Variants in ZC3H14 observed in about 807,000 individuals in gnomAD.
ZC3H14 encodes the protein zinc finger CCCH domain-containing protein 14.
A neutral mutation model predicts 92.4 loss-of-function variants in ZC3H14; 31 were observed. The ratio of observed to expected loss-of-function variants is 0.34; its 90% confidence interval spans 0.25 to 0.45. The LOEUF is 0.45. Ranked by LOEUF, ZC3H14 falls within the 20% of genes least tolerant of loss-of-function variation. The pLI, the probability that ZC3H14 is intolerant of heterozygous loss-of-function variation, is 1.00. For synonymous variants in ZC3H14, 321 were observed against 300.9 expected (o/e 1.07, Z -0.69); for missense variants, 781 against 897.3 (o/e 0.87, Z 1.66).
intron 2 of ZC3H14, among the ~76,000 whole-genome samples, chr14:88,567,187 C>T (rs2079786891): frequency 6.7e-6 from 1 of 149,634 alleles, no homozygotes; most frequent in Admixed American, 6.7e-5. Flanking sequence ...AGGATCTGAG[C>T]GCACTGCAAG....
In ZC3H14 at chr14:88,621,996, C is replaced by T; in HGVS notation, c.*10245C>T. ...TACTATTCCTATCTGGCTGTGTAAA[C>T]TTGTATCCTTTAACCAGTCCTTCCC... On this transcript the variant is annotated 3_prime_UTR_variant, in exon 17 of 17. Transcript: ENST00000251038. 1 of 401,588 alleles carries T rather than the reference C, an allele frequency of 2.5e-6. No individual in the cohort carries two copies. The highest frequency in any genetic ancestry group is 1.9e-5 in the South Asian group (1 of 53,334). The allele number at this position is 401,588 out of a possible 1,614,324, so 24.9% of individuals were successfully genotyped here. A position where few individuals can be genotyped will look rare whatever the true frequency, so the allele number is the denominator to read the frequency against.
Position 88,618,485 on chromosome 14 carries a change from A to C in ZC3H14, c.*6734A>C. ...CACTACAAAAACTTAATAGGAGAAA[A>C]GCTCTGATAAGTGGGGGAGGAAAGG... On this transcript the variant is annotated 3_prime_UTR_variant, in exon 17 of 17. Transcript: ENST00000251038. 1 of 1,074,078 alleles carries C rather than the reference A, an allele frequency of 9.3e-7. No individual in the cohort carries two copies. Among genetic ancestry groups the C allele is most frequent in the African/African-American group, 1.6e-5 (1 of 62,892 alleles). 66.5% of individuals were successfully genotyped at this position (1,074,078 alleles called of 1,614,324 possible).
chr14:88,569,832 C>A (rs143441175), intron 3 of ZC3H14, among the ~76,000 whole-genome samples: 1 of 152,140 alleles, frequency 6.6e-6, no homozygotes, highest in Non-Finnish European at 1.5e-5. Context: ...TTATACATTG[C>A]ACAAATTTGA....
chr14:88,592,188 GTTGT>G (rs10572934), intron 9 of ZC3H14: 88,575 of 151,424 alleles, frequency 0.58, 28,608 homozygotes, highest in Non-Finnish European at 0.74. Flanking sequence ...TTTCCTTGAG[GTTGT>G]TTATCTGTCC....
chr14:88,607,176 G>A, intron 12 of ZC3H14, 67 bp from the exon 13 acceptor site: 2 of 1,610,910 alleles, frequency 1.2e-6, no homozygotes, highest in South Asian at 1.1e-5. Context: ...AGGGAAATAT[G>A]TTAAAGGTGC....
chr14:88,580,070 C>T (rs1162829381), intron 9 of ZC3H14, among the ~76,000 whole-genome samples: 1 of 152,096 alleles, frequency 6.6e-6, no homozygotes, highest in South Asian at 2.1e-4. Context: ...AGGTATACAC[C>T]TGTAGTCCTG....
chr14:88,563,738 C>T lies in ZC3H14; in HGVS notation c.79+45C>T, dbSNP rs1167779409. 3.8e-6 allele frequency: 6 copies of T among 1,575,692 alleles called. No homozygotes were observed. In the Admixed American group the frequency reaches 8.3e-5, roughly 22 times the overall value. On this transcript the variant is annotated intron_variant, in intron 2 of 16. Transcript: ENST00000251038. ...TTAGTCTTACAGAATTTAGAGTTTGCAGCTAATAGAATTTTAGTGAATGCG... is the reference window on the plus strand; with the variant it reads ...TTAGTCTTACAGAATTTAGAGTTTGTAGCTAATAGAATTTTAGTGAATGCG...
chr14:88,584,965 AG>A (rs2082306944), intron 9 of ZC3H14, among the ~76,000 whole-genome samples: 1 of 152,168 alleles, frequency 6.6e-6, no homozygotes, highest in African/African-American at 2.4e-5. Flanking sequence ...AAAAAGAAAA[AG>A]AAAAAAATGT....
chr14:88,600,441 C>CT (rs201793653), intron 10 of ZC3H14, among the ~76,000 whole-genome samples: 25,545 of 143,280 alleles, frequency 0.18, 2,434 homozygotes, highest in East Asian at 0.37. Context: ...TTTCTTTTCT[C>CT]TTTTTTTTTT....
Position 88,611,795 on chromosome 14 carries a change from T to G in ZC3H14, c.*44T>G, listed in dbSNP as rs555895632. 2.3e-5 allele frequency: 37 copies of G among 1,613,694 alleles called. No homozygotes were observed. The South Asian group carries it at 4.0e-4, about 17-fold the overall frequency. On this transcript the variant is annotated 3_prime_UTR_variant, in exon 17 of 17. Transcript: ENST00000251038. Reference sequence around the variant, plus strand: ...AGAAGATCATGCAGTTTGGAAGTTTTCATGTACTGATGAAAGATACTCTAC... The same window carrying G: ...AGAAGATCATGCAGTTTGGAAGTTTGCATGTACTGATGAAAGATACTCTAC...
chr14:88,575,160 A>C (rs1328099013), intron 7 of ZC3H14, among the ~76,000 whole-genome samples: 1 of 152,008 alleles, frequency 6.6e-6, no homozygotes, highest in Non-Finnish European at 1.5e-5. Context: ...CTGGTCTCGA[A>C]CTCCTGACCT....
intron 9 of ZC3H14, among the ~76,000 whole-genome samples, chr14:88,578,440 C>T (rs2081441990): frequency 6.6e-6 from 1 of 152,006 alleles, no homozygotes. Flanking sequence ...GCCACTGCAC[C>T]CAGCCCTTTC....
Position 88,563,104 on chromosome 14 carries a change from C to A in ZC3H14, c.-30C>A. The stretch of plus-strand genomic sequence containing the variant: ...GCCTCCGGGTAAGCCAAGCGCCGCG[C>A]AGTGCTGAGTTCCCGCACGCCGCAG... On this transcript the variant is annotated 5_prime_UTR_variant, in exon 1 of 17. Coordinates refer to ENST00000251038, the MANE Select transcript of ZC3H14 (RefSeq NM_024824.5). 1 of 1,576,068 alleles carries A rather than the reference C, an allele frequency of 6.3e-7. No individual in the cohort carries two copies.
chr14:88,585,929 G>A (rs1476104451), intron 9 of ZC3H14, among the ~76,000 whole-genome samples: 1 of 152,180 alleles, frequency 6.6e-6, no homozygotes, highest in South Asian at 2.1e-4. Context: ...AGCACTTTGG[G>A]AGGCTGAGGC....
chr14:88,598,838 G>A (rs907961962), intron 10 of ZC3H14, among the ~76,000 whole-genome samples: 6 of 152,214 alleles, frequency 3.9e-5, no homozygotes, highest in African/African-American at 1.4e-4. Flanking sequence ...CATAATCCCA[G>A]CACTTGGGGA....
In ZC3H14 at chr14:88,627,049, G is replaced by A; in HGVS notation, c.*15298G>A. The A allele has an allele frequency of 6.2e-7, 1 of 1,613,466 alleles. No individual in the cohort carries two copies. The highest frequency in any genetic ancestry group is 8.5e-7 in the Non-Finnish European group (1 of 1,179,820). On this transcript the variant is annotated 3_prime_UTR_variant, in exon 17 of 17. Transcript: ENST00000251038. Reference sequence around the variant, plus strand: ...AGCTCTGCTGGCAATTTTGGCACCTGACAAGATACAACAAAATTATCTAGG... The same window carrying A: ...AGCTCTGCTGGCAATTTTGGCACCTAACAAGATACAACAAAATTATCTAGG...
chr14:88,616,334 G>T lies in ZC3H14; in HGVS notation c.*4583G>T. 2 of 1,252,686 alleles carry T rather than the reference G, an allele frequency of 1.6e-6. No individual in the cohort carries two copies. 77.6% of individuals were successfully genotyped at this position (1,252,686 alleles called of 1,614,324 possible). A position where few individuals can be genotyped will look rare whatever the true frequency, so the allele number is the denominator to read the frequency against. On this transcript the variant is annotated 3_prime_UTR_variant, in exon 17 of 17. Transcript: ENST00000251038. ...AACTATAATCTCTATGACAAGAGCTGTGGAGAGAGTAGGGAGTTAGCACCG... is the reference window on the plus strand; with the variant it reads ...AACTATAATCTCTATGACAAGAGCTTTGGAGAGAGTAGGGAGTTAGCACCG...
In ZC3H14 at chr14:88,608,408, C is replaced by T. The variant is rs553875370; in HGVS notation, c.1869-859C>T. 2.5e-5 allele frequency: 9 copies of T among 364,638 alleles called. No homozygotes were observed. In the East Asian group the frequency reaches 6.8e-4, roughly 27 times the overall value. The allele number at this position is 364,638 out of a possible 1,614,324, so 22.6% of individuals were successfully genotyped here. ...TTGGCTTTCAGTTTAGTGTCTGTAT[C>T]TTACACCTTATTTTGTTTTTGTTTT... On this transcript the variant is annotated intron_variant, in intron 13 of 16. Coordinates refer to ENST00000251038, the MANE Select transcript of ZC3H14 (RefSeq NM_024824.5).
chr14:88,568,012 T>C (rs1476173278), intron 2 of ZC3H14, 27 bp from the exon 3 acceptor site: 1 of 1,597,452 alleles, frequency 6.3e-7, no homozygotes, highest in Non-Finnish European at 8.6e-7. Flanking sequence ...GGAAACAAAG[T>C]TTTGATCTAC....
Sources: allele counts gnomAD v4.1 joint callset (sites outside exome capture counted in the v4.1 genomes callset), GRCh38; gene constraint gnomAD v4.1.1; transcripts MANE v1.5; gene names NCBI Gene and HGNC (gene_info 2026-07-23, HGNC 2026-07-21).